DIAPH3: variants seen among roughly 807,000 people sequenced by gnomAD.
DIAPH3 encodes protein diaphanous homolog 3.
A neutral mutation model predicts 144.3 loss-of-function variants in DIAPH3; 117 were observed. That is an observed-to-expected ratio of 0.81 (90% CI 0.70 to 0.95). The LOEUF (loss-of-function observed/expected upper bound fraction) is 0.95, where lower values mean the gene tolerates loss of function less well. Among genes scored for constraint, DIAPH3 ranks in the 40% least tolerant of loss-of-function variants. The probability of loss-of-function intolerance (pLI) is 0.00; values close to 1 mark genes in which losing one functional copy is unlikely to be tolerated. For missense variants in DIAPH3, 1,421 were observed against 1,412.7 expected (o/e 1.01, Z -0.09); for synonymous variants, 519 against 488.9 (o/e 1.06, Z -0.81).
chr13:59,835,877 T>C (rs1387690593), intron 23 of DIAPH3, among the ~76,000 whole-genome samples: 1 of 151,822 alleles, frequency 6.6e-6, no homozygotes, highest in East Asian at 1.9e-4. Flanking sequence ...AATATAGATA[T>C]AAGTAAATCT....
intron 27 of DIAPH3, among the ~76,000 whole-genome samples, chr13:59,682,327 T>C (rs1174199862): frequency 6.6e-6 from 1 of 152,206 alleles, no homozygotes; most frequent in Admixed American, 6.5e-5. Context: ...TATTATTTAT[T>C]TAATAATCAT....
intron 22 of DIAPH3, among the ~76,000 whole-genome samples, 178 bp from the exon 23 acceptor site, chr13:59,839,626 T>A (rs956437110): frequency 2.6e-5 from 4 of 152,148 alleles, no homozygotes; most frequent in African/African-American, 9.7e-5. Flanking sequence ...ATAAAAGAAA[T>A]TCAGTAAGAC....
chr13:59,833,695 T>C (rs2041902733), intron 23 of DIAPH3, among the ~76,000 whole-genome samples: 1 of 151,716 alleles, frequency 6.6e-6, no homozygotes, highest in Non-Finnish European at 1.5e-5. Context: ...AATTTCTAGC[T>C]CCTATACTTG....
chr13:59,688,575 C>T (rs1372241464), intron 27 of DIAPH3, among the ~76,000 whole-genome samples: 2 of 151,572 alleles, frequency 1.3e-5, no homozygotes, highest in Non-Finnish European at 2.9e-5. Context: ...GGACCAGGGA[C>T]AAAAGAGGAG....
chr13:59,808,337 GCTTTTTA>G (rs1318019476), intron 25 of DIAPH3, among the ~76,000 whole-genome samples: 3 of 151,638 alleles, frequency 2.0e-5, no homozygotes, highest in African/African-American at 7.3e-5. Flanking sequence ...ACTTATAAAC[GCTTTTTA>G]AAAGTCCAAC....
chr13:59,678,930 G>T (rs1330579044), intron 27 of DIAPH3, among the ~76,000 whole-genome samples: 1 of 152,136 alleles, frequency 6.6e-6, no homozygotes, highest in Non-Finnish European at 1.5e-5. Flanking sequence ...GGGAGTACAT[G>T]ACTACATGAC....
intron 20 of DIAPH3, among the ~76,000 whole-genome samples, chr13:59,901,215 G>A (rs1047672116): frequency 6.6e-6 from 1 of 152,146 alleles, no homozygotes; most frequent in African/African-American, 2.4e-5. Flanking sequence ...CTCACTAACG[G>A]CTTTCTTAAA....
chr13:60,112,528 G>T (rs912334188), intron 2 of DIAPH3, among the ~76,000 whole-genome samples: 5 of 152,066 alleles, frequency 3.3e-5, no homozygotes, highest in Admixed American at 2.0e-4. Context: ...TTTAGTGTTG[G>T]TCCCAAACTA....
chr13:60,113,141 C>A (rs2058614925), intron 2 of DIAPH3, among the ~76,000 whole-genome samples: 1 of 152,082 alleles, frequency 6.6e-6, no homozygotes, highest in Non-Finnish European at 1.5e-5. Context: ...ATTATGGTAG[C>A]CACTAGCTAT....
intron 23 of DIAPH3, among the ~76,000 whole-genome samples, chr13:59,836,057 A>G (rs773122682): frequency 6.6e-6 from 1 of 151,880 alleles, no homozygotes; most frequent in Non-Finnish European, 1.5e-5. Context: ...AACTTGTCAC[A>G]TAAGTTGTAA....
chr13:60,079,904 C>A (rs1190997570), intron 4 of DIAPH3, among the ~76,000 whole-genome samples: 1 of 151,922 alleles, frequency 6.6e-6, no homozygotes, highest in East Asian at 1.9e-4. Flanking sequence ...TTTACTTGAA[C>A]TTGGATTAGA....
At chr13:60,015,307 T>C (rs1352822907) in intron 7 of DIAPH3, among the ~76,000 whole-genome samples, 1 of 152,194 alleles carries the variant, frequency 6.6e-6, no homozygotes, top group Admixed American at 6.5e-5. Context: ...TCCCTTCTAA[T>C]GTAACCTCTT....
chr13:60,162,513 A>G (rs1301197088), intron 1 of DIAPH3, among the ~76,000 whole-genome samples: 4 of 152,150 alleles, frequency 2.6e-5, no homozygotes, highest in Non-Finnish European at 5.9e-5. Flanking sequence ...CCTTCTGCAA[A>G]ATGTCACTAT....
At chr13:59,814,321 T>G (rs2040651529) in intron 24 of DIAPH3, among the ~76,000 whole-genome samples, 1 of 151,984 alleles carries the variant, frequency 6.6e-6, no homozygotes, top group South Asian at 2.1e-4. Context: ...TCTAAAGGAG[T>G]TCTTAAACCT....
intron 25 of DIAPH3, among the ~76,000 whole-genome samples, chr13:59,802,674 T>TTTTTTA (rs2039993142): frequency 1.7e-5 from 1 of 59,594 alleles, no homozygotes. Context: ...ATTATTTTTT[T>TTTTTTA]TTTTTTTTTT....
chr13:59,887,179 AT>A (rs531810577), intron 20 of DIAPH3, among the ~76,000 whole-genome samples: 370 of 152,036 alleles, frequency 2.4e-3, no homozygotes, highest in Non-Finnish European at 4.1e-3. Flanking sequence ...ATTACCTTGT[AT>A]TTTTTTATCT....
chr13:60,059,589 T>G (rs1046079164), intron 4 of DIAPH3, among the ~76,000 whole-genome samples: 1 of 151,994 alleles, frequency 6.6e-6, no homozygotes, highest in African/African-American at 2.4e-5. Context: ...CAGGACCACT[T>G]GTTTTTATTT....
At chr13:59,973,271 A>G (rs2050490724) in intron 15 of DIAPH3, among the ~76,000 whole-genome samples, 1 of 152,106 alleles carries the variant, frequency 6.6e-6, no homozygotes, top group Non-Finnish European at 1.5e-5. Flanking sequence ...AACTGAACAT[A>G]ATTAAAAAGA....
At chr13:59,919,575 A>G (rs1392314215) in intron 18 of DIAPH3, among the ~76,000 whole-genome samples, 1 of 152,098 alleles carries the variant, frequency 6.6e-6, no homozygotes, top group Non-Finnish European at 1.5e-5. Flanking sequence ...TTTTTCAGAA[A>G]TCAAGGAGAG....
Sources: allele counts gnomAD v4.1 joint callset (sites outside exome capture counted in the v4.1 genomes callset), GRCh38; gene constraint gnomAD v4.1.1; transcripts MANE v1.5; gene names NCBI Gene and HGNC (gene_info 2026-07-23, HGNC 2026-07-21).